Variants in VWA8 observed in about 807,000 individuals in gnomAD.
VWA8 encodes the protein von Willebrand factor A domain containing 8.
VWA8 carries 221 observed loss-of-function variants against 241.5 expected under a neutral mutation model. That is an observed-to-expected ratio of 0.91 (90% CI 0.82 to 1.02). The LOEUF (loss-of-function observed/expected upper bound fraction) is 1.02, where lower values mean the gene tolerates loss of function less well. Among genes scored for constraint, VWA8 ranks in the 50% least tolerant of loss-of-function variants. VWA8 has a pLI of 0.00. For missense variants in VWA8, 2,322 were observed against 2,328.7 expected (o/e 1.00, Z 0.06); for synonymous variants, 852 against 827.1 (o/e 1.03, Z -0.52).
intron 34 of VWA8, among the ~76,000 whole-genome samples, chr13:41,685,772 A>G (rs925586484): frequency 1.3e-5 from 2 of 152,184 alleles, no homozygotes; most frequent in Non-Finnish European, 2.9e-5. Flanking sequence ...TAGCATTTTT[A>G]AAGCCCTGGG....
chr13:41,748,898 T>C (rs1461985146), intron 21 of VWA8, among the ~76,000 whole-genome samples: 2 of 152,068 alleles, frequency 1.3e-5, no homozygotes, highest in Non-Finnish European at 2.9e-5. Context: ...CCTAAAACCA[T>C]AAAAACCCTA....
At chr13:41,816,833 T>C (rs774643819) in intron 15 of VWA8, 58 bp from the exon 16 acceptor site, 16 of 1,307,592 alleles carry the variant, frequency 1.2e-5, no homozygotes, top group Non-Finnish European at 1.7e-5. Context: ...ATCTGATCAA[T>C]CAATCAGAAA....
chr13:41,570,219 A>G (rs1449207267), intron 44 of VWA8, among the ~76,000 whole-genome samples: 3 of 152,224 alleles, frequency 2.0e-5, no homozygotes, highest in Non-Finnish European at 4.4e-5. Context: ...TCAATTTGTC[A>G]ATGATTTATT....
chr13:41,924,281 G>A (rs975867072), intron 2 of VWA8, among the ~76,000 whole-genome samples: 1 of 151,704 alleles, frequency 6.6e-6, no homozygotes, highest in Non-Finnish European at 1.5e-5. Context: ...ACAAGACAGA[G>A]CTTCAAAAAT....
At chr13:41,570,094 T>C (rs978287988) in intron 44 of VWA8, among the ~76,000 whole-genome samples, 1 of 152,064 alleles carries the variant, frequency 6.6e-6, no homozygotes, top group African/African-American at 2.4e-5. Flanking sequence ...GCTAGGAAAA[T>C]AGTAGATGTT....
chr13:41,949,587 C>A (rs185863046), intron 2 of VWA8, among the ~76,000 whole-genome samples: 119 of 151,112 alleles, frequency 7.9e-4, no homozygotes, highest in African/African-American at 2.7e-3. Flanking sequence ...AACAAACCTG[C>A]GTGTACTGCA....
At chr13:41,931,153 G>GAAA (rs78987239) in intron 2 of VWA8, among the ~76,000 whole-genome samples, 4 of 78,706 alleles carry the variant, frequency 5.1e-5, no homozygotes, top group Non-Finnish European at 7.8e-5. Flanking sequence ...CGTCTCAGGG[G>GAAA]AAAAAAAAAA....
chr13:41,626,431 T>G (rs922762556), intron 37 of VWA8, among the ~76,000 whole-genome samples: 3 of 152,000 alleles, frequency 2.0e-5, no homozygotes, highest in Admixed American at 6.6e-5. Flanking sequence ...TTAAAATTCA[T>G]AAGGAACCAA....
chr13:41,602,370 C>T (rs899982465), intron 40 of VWA8, among the ~76,000 whole-genome samples: 27 of 152,114 alleles, frequency 1.8e-4, no homozygotes, highest in African/African-American at 5.1e-4. Context: ...TGGGCCGCAC[C>T]TGCCTCGCTA....
chr13:41,606,221 A>T (rs1443920888), intron 39 of VWA8, among the ~76,000 whole-genome samples: 2 of 152,096 alleles, frequency 1.3e-5, no homozygotes, highest in Non-Finnish European at 2.9e-5. Context: ...ATACTCCTTT[A>T]GGTAAGGGCT....
rs2044589672 is a variant in VWA8, at chr13:41,611,675, C to T, written c.4778G>A (p.Gly1593Asp). 6.2e-7 allele frequency: 1 copy of T among 1,614,092 alleles called. No individual in the cohort carries two copies. ...CTGAGAGACCTGGTACACCGTATGG[C>T]CTGCATCCAGCCGGTAAGGGCCTCC... ...GKGGPYRLDA[G>D]HTVYQVSQAE... Residue 1593 changes from glycine to aspartate, a missense_variant, in exon 39 of 45, where the codon GGC becomes GAC. Gly to Asp is a moderately conservative substitution (Grantham distance 94, BLOSUM62 -1). Transcript: ENST00000379310.
chr13:41,916,934 T>C (rs1328987996), intron 2 of VWA8, among the ~76,000 whole-genome samples: 3 of 151,938 alleles, frequency 2.0e-5, no homozygotes, highest in Non-Finnish European at 4.4e-5. Context: ...CTTCCAGGAG[T>C]CCACATAATA....
At chr13:41,944,049 G>T (rs1459043668) in intron 2 of VWA8, among the ~76,000 whole-genome samples, 1 of 151,716 alleles carries the variant, frequency 6.6e-6, no homozygotes, top group African/African-American at 2.4e-5. Flanking sequence ...AGGCTGCAGT[G>T]AGCCAAGATT....
chr13:41,816,564 C>A, intron 16 of VWA8, 134 bp downstream of exon 16: 1 of 747,236 alleles, frequency 1.3e-6, no homozygotes, highest in South Asian at 1.9e-5. Context: ...ATGCATAGAA[C>A]AAAGGCATAG....
At chr13:41,625,333 C>T (rs999133556) in intron 37 of VWA8, among the ~76,000 whole-genome samples, 11 of 152,126 alleles carry the variant, frequency 7.2e-5, no homozygotes, top group Non-Finnish European at 1.0e-4. Context: ...ACCTACTCAT[C>T]TGACAAAGGG....
intron 1 of VWA8, among the ~76,000 whole-genome samples, chr13:41,951,633 T>G (rs371621938): frequency 3.9e-5 from 6 of 152,226 alleles, no homozygotes; most frequent in African/African-American, 1.4e-4. Flanking sequence ...GAATTTCATT[T>G]GGAAAGGGCT....
intron 4 of VWA8, among the ~76,000 whole-genome samples, chr13:41,894,773 G>A (rs917407654): frequency 6.6e-6 from 1 of 152,170 alleles, no homozygotes; most frequent in Admixed American, 6.5e-5. Context: ...CCAGTAATGA[G>A]CTATATCAAT....
chr13:41,574,927 A>G (rs2044341228), intron 43 of VWA8, among the ~76,000 whole-genome samples: 1 of 152,226 alleles, frequency 6.6e-6, no homozygotes, highest in Non-Finnish European at 1.5e-5. Flanking sequence ...AAAGGAAAAG[A>G]AGTCATTATA....
At chr13:41,703,222 A>T (rs991353355) in intron 27 of VWA8, 81 bp downstream of exon 27, 2 of 1,100,618 alleles carry the variant, frequency 1.8e-6, no homozygotes, top group South Asian at 2.8e-5. Context: ...CATTTCTGAG[A>T]TTGTTTGAAT....
Sources: gnomAD v4.1 joint callset for allele counts (sites outside exome capture counted in the v4.1 genomes callset) on GRCh38, gnomAD v4.1.1 for gene constraint, MANE v1.5 for transcripts, NCBI Gene and HGNC (gene_info 2026-07-23, HGNC 2026-07-21) for gene names.